Variants in PRUNE2 observed in about 807,000 individuals in gnomAD.
PRUNE2 encodes prune homolog 2 with BCH domain, also known as protein prune homolog 2.
A neutral mutation model predicts 252.0 loss-of-function variants in PRUNE2; 164 were observed. The ratio of observed to expected loss-of-function variants is 0.65; its 90% CI spans 0.57 to 0.74. The LOEUF is 0.74. Ranked by LOEUF, PRUNE2 falls within the 30% of genes least tolerant of loss-of-function variation. The probability of loss-of-function intolerance (pLI) is 0.00; values close to 1 mark genes in which losing one functional copy is unlikely to be tolerated. For missense variants in PRUNE2, 3,495 were observed against 3,711.0 expected, an observed-to-expected ratio of 0.94 and a Z score of 1.51; for synonymous variants, 1,292 against 1,350.2, an observed-to-expected ratio of 0.96 and a Z score of 0.94.
intron 6 of PRUNE2, among the ~76,000 whole-genome samples, chr9:76,814,815 T>C (rs145702510): frequency 3.5e-4 from 53 of 152,326 alleles, no homozygotes; most frequent in African/African-American, 1.2e-3. Context: ...CCTAACACTT[T>C]TCTTTACATG....
At position 76,707,333 on chromosome 9, in the gene PRUNE2, T is replaced by C. The variant is rs547164903; in HGVS notation, c.4941A>G (p.Glu1647=). The C allele has an allele frequency of 8.7e-6, 14 of 1,613,964 alleles. No individual in the cohort carries two copies. In the African/African-American group the frequency reaches 1.9e-4, roughly 21 times the overall value. The part of the protein sequence containing the change: ...LSSPETGKYS[E]HSGTHQESNL... ...TGCTTTCCTGATGTGTCCCTGAATG[T>C]TCAGAATATTTGCCTGTTTCAGGAC... Residue 1647 remains glutamate (E), a synonymous_variant, in exon 8 of 19, where the codon GAA becomes GAG. Transcript: ENST00000376718.
chr9:76,903,659 C>T (rs2133778671), intron 1 of PRUNE2, among the ~76,000 whole-genome samples: 1 of 152,330 alleles, frequency 6.6e-6, no homozygotes, highest in African/African-American at 2.4e-5. Flanking sequence ...ACAATCTCGA[C>T]TCACTGCAAC....
chr9:76,879,330 G>A (rs115704644), intron 1 of PRUNE2, among the ~76,000 whole-genome samples: 1,691 of 152,240 alleles, frequency 0.011, 23 homozygotes, highest in Middle Eastern at 0.051. Flanking sequence ...TGCACACCCC[G>A]ATTTTGTTAA....
At chr9:76,713,419 A>G (rs899575063) in intron 7 of PRUNE2, 144 bp downstream of exon 7, 5 of 499,398 alleles carry the variant, frequency 1.0e-5, no homozygotes, top group African/African-American at 6.0e-5. Context: ...TACCCCCATC[A>G]TTTCCTAAAA....
intron 6 of PRUNE2, among the ~76,000 whole-genome samples, chr9:76,719,714 C>A (rs746016224): frequency 3.9e-5 from 6 of 151,922 alleles, no homozygotes; most frequent in African/African-American, 7.3e-5. Flanking sequence ...ATGGTATGAT[C>A]ATGAGTCACT....
chr9:76,745,930 G>C (rs1296269772), intron 6 of PRUNE2, among the ~76,000 whole-genome samples: 4 of 152,160 alleles, frequency 2.6e-5, no homozygotes, highest in Non-Finnish European at 5.9e-5. Context: ...ACTTCCCCTG[G>C]TGACAGGTAA....
Position 76,706,274 on chromosome 9 carries a change from T to A in PRUNE2, c.6000A>T (p.Gln2000His), listed in dbSNP as rs1392526345. 6.2e-7 allele frequency: 1 copy of A among 1,614,038 alleles called. No homozygotes were observed. Among genetic ancestry groups the A allele is most frequent in the South Asian group, 1.1e-5 (1 of 91,074 alleles). The change falls in exon 8 of 19, where the codon CAA (glutamine) becomes CAT (histidine). Residue 2000 changes from glutamine to histidine, a missense_variant. Gln to His is a conservative substitution (Grantham distance 24). Coordinates refer to ENST00000376718, the MANE Select transcript of PRUNE2 (RefSeq NM_015225.3). ...NEGQETNQWEQEKSYLGEMTN... is the reference protein window; with the variant it reads ...NEGQETNQWEHEKSYLGEMTN... ...TCATCTCACCTAGGTATGATTTTTC[T>A]TGTTCCCACTGATTTGTTTCTTGAC...
At chr9:76,635,620 G>A (rs1299577710) in intron 15 of PRUNE2, among the ~76,000 whole-genome samples, 1 of 151,984 alleles carries the variant, frequency 6.6e-6, no homozygotes, top group East Asian at 1.9e-4. Flanking sequence ...GGTAGAATTT[G>A]GAAGCTACAG....
intron 4 of PRUNE2, among the ~76,000 whole-genome samples, chr9:76,837,441 A>ATAAT (rs2059066813): frequency 7.4e-6 from 1 of 134,826 alleles, no homozygotes; most frequent in East Asian, 2.4e-4. Context: ...ACTCTGTCTC[A>ATAAT]AATAATAATA....
At chr9:76,760,891 G>T (rs2051651811) in intron 6 of PRUNE2, among the ~76,000 whole-genome samples, 1 of 152,064 alleles carries the variant, frequency 6.6e-6, no homozygotes, top group Admixed American at 6.5e-5. Flanking sequence ...TTCGAGACCA[G>T]CCTGGCCAAC....
At chr9:76,905,230 T>C (rs901077793) in intron 1 of PRUNE2, among the ~76,000 whole-genome samples, 1 of 152,182 alleles carries the variant, frequency 6.6e-6, no homozygotes, top group Non-Finnish European at 1.5e-5. Flanking sequence ...ACATACACAG[T>C]GGAGTTGCCC....
At chr9:76,843,841 G>A (rs949504820) in intron 4 of PRUNE2, among the ~76,000 whole-genome samples, 10 of 148,998 alleles carry the variant, frequency 6.7e-5, no homozygotes, top group Admixed American at 1.4e-4. Context: ...CAATTCTCCC[G>A]CCTCAGCCTC....
chr9:76,849,561 C>A (rs60257540), intron 3 of PRUNE2, among the ~76,000 whole-genome samples: 2,645 of 152,224 alleles, frequency 0.017, 79 homozygotes, highest in African/African-American at 0.059. Flanking sequence ...TGTGATGGCT[C>A]ACACCTGTAA....
chr9:76,746,427 C>T (rs937570357), intron 6 of PRUNE2, among the ~76,000 whole-genome samples: 5 of 152,022 alleles, frequency 3.3e-5, no homozygotes, highest in African/African-American at 7.2e-5. Context: ...AAAGAGCGGC[C>T]GGGCGCGGTG....
At chr9:76,885,459 C>CA (rs2062032507) in intron 1 of PRUNE2, among the ~76,000 whole-genome samples, 1 of 148,956 alleles carries the variant, frequency 6.7e-6, no homozygotes, top group Admixed American at 6.7e-5. Context: ...CATTCCTAGG[C>CA]ACCCACTAAG....
intron 9 of PRUNE2, among the ~76,000 whole-genome samples, chr9:76,685,292 C>G (rs1390399287): frequency 6.6e-6 from 1 of 152,266 alleles, no homozygotes; most frequent in South Asian, 2.1e-4. Flanking sequence ...ATGGATCCCC[C>G]TGAAGGGATG....
chr9:76,897,011 C>T (rs12550880), intron 1 of PRUNE2, among the ~76,000 whole-genome samples: 15,926 of 152,248 alleles, frequency 0.1, 1,086 homozygotes, highest in South Asian at 0.23. Context: ...AATGGGCATG[C>T]AGTGAGAACA....
chr9:76,726,002 G>A (rs903635065), intron 6 of PRUNE2, among the ~76,000 whole-genome samples: 1 of 152,220 alleles, frequency 6.6e-6, no homozygotes, highest in African/African-American at 2.4e-5. Context: ...GAGAAGGGCA[G>A]GGGTTGCCAG....
Position 76,811,047 on chromosome 9 carries a change from G to A in PRUNE2, c.756+12585C>T, listed in dbSNP as rs574806832. Among the ~76,000 whole-genome samples the A allele has an allele frequency of 1.2e-4, 19 of 152,288 alleles. No individual in the cohort carries two copies. In the South Asian group the frequency reaches 3.9e-3, roughly 32 times the overall value. On this transcript the variant is annotated intron_variant, in intron 6 of 18. Coordinates refer to ENST00000376718, the MANE Select transcript of PRUNE2 (RefSeq NM_015225.3). ...AATAACTCTGAAGGGAGGGGAGAGA[G>A]AATATAAATGAGAAGAAGTAAGCAA...
Sources: gnomAD v4.1 joint callset for allele counts (sites outside exome capture counted in the v4.1 genomes callset) on GRCh38, gnomAD v4.1.1 for gene constraint, MANE v1.5 for transcripts, NCBI Gene and HGNC (gene_info 2026-07-23, HGNC 2026-07-21) for gene names.